The following ACTN3 variants were observed in gnomAD, a reference collection of about 807,000 sequenced individuals.
The protein encoded by ACTN3 is actinin alpha 3.
A neutral mutation model predicts 119.6 loss-of-function variants in ACTN3; 91 were observed. That is an observed-to-expected ratio of 0.76 (90% CI 0.64 to 0.91). ACTN3 has a LOEUF of 0.91. ACTN3 is among the 40% of genes least tolerant of loss of function. The pLI is 0.00. For synonymous variants in ACTN3, 456 were observed against 478.8 expected (o/e 0.95, Z 0.62); for missense variants, 1,221 against 1,215.1 (o/e 1.00, Z -0.07).
At position 66,547,539 on chromosome 11, in the gene ACTN3, G is replaced by A. The variant is rs1000000655; in HGVS notation, c.147+455G>A. ...AGACCCCACCCCACCTCGTCTCCAG[G>A]GTGGGGTCCATAGTCGCTGTATCTC... On this transcript the variant is annotated intron_variant, in intron 1 of 20. Coordinates refer to ENST00000513398, the MANE Select transcript of ACTN3 (RefSeq NM_001104.4). Among the ~76,000 whole-genome samples the A allele has an allele frequency of 4.6e-5, 7 of 152,062 alleles. 1 individual carries two copies. The highest frequency in any genetic ancestry group is 4.1e-4 in the South Asian group (2 of 4,822).
intron 11 of ACTN3, 81 bp from the exon 12 acceptor site, chr11:66,559,155 A>T (rs1857673201): frequency 7.3e-7 from 1 of 1,374,102 alleles, no homozygotes; most frequent in South Asian, 1.8e-5. Context: ...TTAGCAGATG[A>T]GGCTTCATGG....
intron 11 of ACTN3, among the ~76,000 whole-genome samples, chr11:66,558,700 C>T (rs1751155759): frequency 6.6e-6 from 1 of 152,098 alleles, no homozygotes; most frequent in African/African-American, 2.4e-5. Flanking sequence ...TCCCCCTCAC[C>T]CCCCAGCCCT....
chr11:66,563,151 C>T lies in ACTN3; in HGVS notation c.2664C>T (p.Tyr888=), dbSNP rs79516407. 347 of 1,613,056 alleles carry T rather than the reference C, an allele frequency of 2.2e-4. 1 individual carries two copies. In the East Asian group the frequency reaches 5.1e-3, roughly 24 times the overall value. Residue 888 remains tyrosine, a synonymous_variant, in exon 21 of 21, where the codon TAC becomes TAT. Coordinates refer to ENST00000513398, the MANE Select transcript of ACTN3 (RefSeq NM_001104.4). The stretch of plus-strand genomic sequence containing the variant: ...GGGCCCCGGCTGGAGCCCTGGACTA[C>T]GTGGCCTTCTCCAGTGCCCTCTATG... The part of the protein sequence containing the change: ...GSGAPAGALD[Y]VAFSSALYGE...
rs1353334494 is a variant in ACTN3 at position 66,561,602 on chromosome 11, G to A, written c.2140G>A (p.Val714Met). ...GDHQLLQESL[V>M]FDNKHTVYSM... is the part of the protein sequence containing the mutation. ...CCACCAGCTGCTGCAGGAGAGCCTG[G>A]TGTTCGACAATAAGCACACCGTCTA... The change falls in exon 17 of 21, where the codon GTG becomes ATG. Residue 714 changes from valine (V) to methionine (M), a missense_variant. By Grantham distance (21) the Val-to-Met change is conservative. Coordinates refer to ENST00000513398, the MANE Select transcript of ACTN3 (RefSeq NM_001104.4). 1 of 1,613,022 alleles carries A rather than the reference G, an allele frequency of 6.2e-7. No homozygotes were observed. The highest frequency in any genetic ancestry group is 8.5e-7 in the Non-Finnish European group (1 of 1,179,580).
intron 9 of ACTN3, 113 bp from the exon 10 acceptor site, chr11:66,557,586 A>G (rs549374731): frequency 8.7e-7 from 1 of 1,148,240 alleles, no homozygotes; most frequent in South Asian, 1.5e-5. Flanking sequence ...CGTAGTTGTC[A>G]AAGTCACCCC....
intron 1 of ACTN3, among the ~76,000 whole-genome samples, chr11:66,548,587 T>C (rs748844630): frequency 3.3e-5 from 5 of 152,190 alleles, no homozygotes; most frequent in Non-Finnish European, 7.3e-5. Context: ...CATTTCTTTC[T>C]TGTCCAGCGT....
chr11:66,549,925 G>A (rs1365688085), intron 1 of ACTN3, among the ~76,000 whole-genome samples: 1 of 152,088 alleles, frequency 6.6e-6, no homozygotes, highest in Non-Finnish European at 1.5e-5. Context: ...CCAGTGATGG[G>A]AAGCTCACTC....
Position 66,557,182 on chromosome 11 carries a change from A to G in ACTN3, c.854A>G (p.Glu285Gly). ...RICKVLAVNQ[E>G]NEKLMEEYEK... ...TGCAAGGTGCTGGCAGTGAACCAGG[A>G]AAACGAGAAGCTGATGGAGGAGTAT... The change falls in exon 9 of 21, where the codon GAA becomes GGA. Residue 285 changes from glutamate (E) to glycine (G), a missense_variant. Coordinates refer to ENST00000513398, the MANE Select transcript of ACTN3 (RefSeq NM_001104.4). 3 of 1,554,030 alleles carry G rather than the reference A, an allele frequency of 1.9e-6. No individual in the cohort carries two copies. The highest frequency in any genetic ancestry group is 2.6e-6 in the Non-Finnish European group (3 of 1,148,324).
Position 66,560,199 on chromosome 11 carries a change from A to G in ACTN3, c.1565A>G (p.Asp522Gly). 8.1e-6 allele frequency: 13 copies of G among 1,609,612 alleles called. No individual in the cohort carries two copies. The highest frequency in any genetic ancestry group is 1.1e-5 in the Non-Finnish European group (13 of 1,178,124). The change falls in exon 14 of 21, where the codon GAC becomes GGC. Residue 522 changes from aspartate to glycine, a missense_variant. Physicochemically the swap from Asp to Gly is moderately conservative, Grantham distance 94 (BLOSUM62 -1). Coordinates refer to ENST00000513398, the MANE Select transcript of ACTN3 (RefSeq NM_001104.4). ...ERMEKLLETI[D>G]RLQLEFARRA... ...ATGGAGAAGCTCCTGGAGACCATTG[A>G]CCGGCTGCAACTGGAGTTTGCCCGG...
chr11:66,557,774 C>T lies in ACTN3; in HGVS notation c.973C>T (p.Arg325Cys), dbSNP rs374716398. The T allele has an allele frequency of 2.5e-6, 4 of 1,613,610 alleles. No individual in the cohort carries two copies. Among genetic ancestry groups the T allele is most frequent in the African/African-American group, 2.7e-5 (2 of 74,920 alleles). The change falls in exon 10 of 21, where the codon CGC (arginine) becomes TGC (cysteine). Residue 325 changes from arginine (R) to cysteine (C), a missense_variant. Around this residue, in one of 3 missense-constraint regions of ACTN3, gnomAD observed 934 missense variants for 899.9 expected, o/e 1.04. Coordinates refer to ENST00000513398, the MANE Select transcript of ACTN3 (RefSeq NM_001104.4). ...VGEPSMSAMQ[R>C]KLEDFRDYRR... Reference sequence around the variant, plus strand: ...TGAGCCCAGCATGAGTGCCATGCAGCGCAAACTAGAGGACTTTCGGGACTA... The same window carrying T: ...TGAGCCCAGCATGAGTGCCATGCAGTGCAAACTAGAGGACTTTCGGGACTA...
upstream of ACTN3, chr11:66,546,881 T>G (rs1731956833): frequency 6.6e-7 from 1 of 1,513,036 alleles, no homozygotes; most frequent in African/African-American, 1.4e-5. Context: ...CCCTACTTAA[T>G]GGGGCCCGGG....
At chr11:66,548,770 G>A (rs1389571637) in intron 1 of ACTN3, among the ~76,000 whole-genome samples, 2 of 152,104 alleles carry the variant, frequency 1.3e-5, no homozygotes, top group South Asian at 2.1e-4. Flanking sequence ...ATGTGCCAGC[G>A]CTGTTTCAGG....
At chr11:66,559,091 A>T in intron 11 of ACTN3, 145 bp from the exon 12 acceptor site, 1 of 833,808 alleles carries the variant, frequency 1.2e-6, no homozygotes, top group Non-Finnish European at 1.7e-6. Flanking sequence ...ACGTTATTAC[A>T]CCGACGCCGC....
chr11:66,560,898 C>A, intron 15 of ACTN3, 143 bp downstream of exon 15: 1 of 928,032 alleles, frequency 1.1e-6, no homozygotes, highest in Non-Finnish European at 1.6e-6. Flanking sequence ...TTGGATAAAT[C>A]GCCTTGCCTG....
At chr11:66,547,258 G>C in intron 1 of ACTN3, 174 bp downstream of exon 1, 3 of 479,354 alleles carry the variant, frequency 6.3e-6, no homozygotes, top group Non-Finnish European at 8.2e-6. Context: ...GGAGAGGGCT[G>C]GGAGCCCTCA....
intron 2 of ACTN3, 53 bp downstream of exon 2, chr11:66,551,406 C>T (rs2134919548): frequency 6.4e-7 from 1 of 1,569,540 alleles, no homozygotes; most frequent in Non-Finnish European, 8.7e-7. Flanking sequence ...AACATCTGGA[C>T]AGCAGGGGGA....
At position 66,551,327 on chromosome 11, in the gene ACTN3, T is replaced by C. The variant is rs1857465258; in HGVS notation, c.236T>C (p.Leu79Pro). 1 of 1,609,796 alleles carries C rather than the reference T, an allele frequency of 6.2e-7. No individual in the cohort carries two copies. Among genetic ancestry groups the C allele is most frequent in the East Asian group, 2.2e-5 (1 of 44,764 alleles). The change falls in exon 2 of 21, where the codon CTC (leucine) becomes CCC (proline). Residue 79 changes from leucine to proline, a missense_variant. Leu to Pro is a moderately conservative substitution (Grantham distance 98, BLOSUM62 -3). This residue lies in a region of ACTN3 where 239 missense variants were observed against 231.8 expected (regional missense o/e 1.03). Transcript: ENST00000513398. ...IEEDFRNGLK[L>P]MLLLEVISGE... The stretch of plus-strand genomic sequence containing the variant: ...GAAGATTTCCGCAATGGCCTCAAAC[T>C]CATGCTGCTCCTGGAGGTCATTTCA...
chr11:66,555,208 G>A lies in ACTN3; in HGVS notation c.636G>A (p.Lys212=). 1 of 1,613,892 alleles carries A rather than the reference G, an allele frequency of 6.2e-7. No individual in the cohort carries two copies. The change falls in exon 6 of 21, where the codon AAG becomes AAA. Residue 212 remains lysine (K), a splice_region_variant and synonymous_variant. Transcript: ENST00000513398. ...TCATCGACTACGCCAAACTGCGAAA[G>A]GTAGAGGCCCCCACCACCCCAGCCC... ...PDLIDYAKLR[K]DDPIGNLNTA...
rs927370907 is a variant in ACTN3 at position 66,547,023 on chromosome 11, A to C, written c.86A>C (p.Gln29Pro). 2.0e-6 allele frequency: 3 copies of C among 1,522,344 alleles called. No homozygotes were observed. Among genetic ancestry groups the C allele is most frequent in the Non-Finnish European group, 2.6e-6 (3 of 1,138,570 alleles). The allele number at this position is 1,522,344 out of a possible 1,614,324, so 94.3% of individuals were successfully genotyped here. Residue 29 changes from glutamine to proline, a missense_variant, in exon 1 of 21, where the codon CAG becomes CCG. By Grantham distance (76) the Gln-to-Pro change is moderately conservative (BLOSUM62 -1). Around this residue, in one of 3 missense-constraint regions of ACTN3, gnomAD observed 239 missense variants for 231.8 expected, o/e 1.03. Coordinates refer to ENST00000513398, the MANE Select transcript of ACTN3 (RefSeq NM_001104.4). ...GGCGGGGGCGGCGAGTACATGGAAC[A>C]GGAGGAGGACTGGGACCGCGACCTG... ...GGGGGGEYMEQEEDWDRDLLL... is the reference protein window; with the variant it reads ...GGGGGGEYMEPEEDWDRDLLL...
Sources: allele counts gnomAD v4.1 joint callset (sites outside exome capture counted in the v4.1 genomes callset), GRCh38; gene constraint gnomAD v4.1.1; regional missense constraint gnomAD v4.1.1; transcripts MANE v1.5; gene names NCBI Gene and HGNC (gene_info 2026-07-23, HGNC 2026-07-21).